Variants in RIMS2 observed in about 807,000 individuals in gnomAD.
RIMS2 encodes regulating synaptic membrane exocytosis 2, also known as regulating synaptic membrane exocytosis protein 2.
RIMS2 carries 59 observed loss-of-function variants against 174.4 expected under a neutral mutation model. The observed-to-expected ratio is 0.34, with a 90% confidence interval of 0.27 to 0.42. The LOEUF is 0.42. Ranked by LOEUF, RIMS2 falls within the 10% of genes least tolerant of loss-of-function variation. RIMS2 has a pLI of 1.00. For missense variants in RIMS2, 1,620 were observed against 1,666.3 expected, an observed-to-expected ratio of 0.97 and a Z score of 0.48; for synonymous variants, 606 against 572.5, an observed-to-expected ratio of 1.06 and a Z score of -0.84.
intron 19 of RIMS2, among the ~76,000 whole-genome samples, chr8:104,140,307 T>C (rs73299455): frequency 0.034 from 5,160 of 152,210 alleles, 247 homozygotes; most frequent in African/African-American, 0.11. Flanking sequence ...ATAAAGCTTT[T>C]CTCATCTCTG....
chr8:104,011,561 CATT>C (rs1266234527), intron 17 of RIMS2, among the ~76,000 whole-genome samples: 1 of 151,952 alleles, frequency 6.6e-6, no homozygotes, highest in Non-Finnish European at 1.5e-5. Flanking sequence ...GGTTTTCACT[CATT>C]ATCATATTTT....
chr8:103,559,402 G>A, intron 1 of RIMS2: 1 of 353,854 alleles, frequency 2.8e-6, no homozygotes, highest in Non-Finnish European at 5.4e-6. Flanking sequence ...GGTGGAGCAT[G>A]CCAGTGATCC....
At chr8:103,506,201 AC>A (rs1284526313) in intron 1 of RIMS2, among the ~76,000 whole-genome samples, 5 of 152,134 alleles carry the variant, frequency 3.3e-5, no homozygotes, top group Non-Finnish European at 7.4e-5. Context: ...TTATAAGAAA[AC>A]AAGCAAACAA....
chr8:103,779,182 T>C (rs2098355640), intron 3 of RIMS2, among the ~76,000 whole-genome samples: 2 of 152,216 alleles, frequency 1.3e-5, no homozygotes, highest in Admixed American at 1.3e-4. Context: ...AAATATTTTC[T>C]GCCATTATAT....
chr8:103,594,751 A>G (rs1290546031), intron 1 of RIMS2, among the ~76,000 whole-genome samples: 1 of 151,410 alleles, frequency 6.6e-6, no homozygotes, highest in Non-Finnish European at 1.5e-5. Context: ...CAAGACAAAG[A>G]AAGAAAATAT....
intron 19 of RIMS2, among the ~76,000 whole-genome samples, chr8:104,139,412 AT>A (rs2133447725): frequency 6.6e-6 from 1 of 152,176 alleles, no homozygotes; most frequent in South Asian, 2.1e-4. Context: ...ATATCTTTCC[AT>A]TTTTTGTGTC....
intron 3 of RIMS2, among the ~76,000 whole-genome samples, chr8:103,783,275 T>C (rs1310283871): frequency 2.0e-5 from 3 of 151,802 alleles, no homozygotes; most frequent in Admixed American, 6.6e-5. Context: ...TTCTTTTTTT[T>C]TTTTTTTATT....
At chr8:103,530,495 T>C (rs1836509246) in intron 1 of RIMS2, among the ~76,000 whole-genome samples, 1 of 152,142 alleles carries the variant, frequency 6.6e-6, no homozygotes, top group Non-Finnish European at 1.5e-5. Context: ...ATGCTATTTA[T>C]GAGATGTGTC....
intron 3 of RIMS2, among the ~76,000 whole-genome samples, chr8:103,779,852 C>T (rs147707969): frequency 0.16 from 23,539 of 149,626 alleles, 1,962 homozygotes; most frequent in Middle Eastern, 0.25. Context: ...TATATACATA[C>T]GTAACAAACC....
intron 1 of RIMS2, among the ~76,000 whole-genome samples, chr8:103,565,534 G>A (rs533833807): frequency 2.0e-4 from 30 of 152,168 alleles, no homozygotes; most frequent in African/African-American, 6.3e-4. Context: ...TCGAATATCC[G>A]AGTTCAAGCA....
chr8:103,865,960 T>G (rs1273218890), intron 3 of RIMS2, among the ~76,000 whole-genome samples: 1 of 152,210 alleles, frequency 6.6e-6, no homozygotes, highest in Admixed American at 6.5e-5. Context: ...TTTCAATTAT[T>G]TCACTTGCCC....
At chr8:103,840,135 A>T (rs2098930787) in intron 3 of RIMS2, among the ~76,000 whole-genome samples, 2 of 152,204 alleles carry the variant, frequency 1.3e-5, no homozygotes, top group Admixed American at 6.5e-5. Flanking sequence ...TTGTTTATAG[A>T]AAGAAGGCAA....
At chr8:104,034,328 C>T (rs908676996) in intron 19 of RIMS2, among the ~76,000 whole-genome samples, 5 of 151,862 alleles carry the variant, frequency 3.3e-5, no homozygotes, top group African/African-American at 9.7e-5. Context: ...GACTAGAAAA[C>T]GAGTTAACAA....
chr8:104,183,211 A>G (rs1335383401), intron 19 of RIMS2, among the ~76,000 whole-genome samples: 2 of 151,700 alleles, frequency 1.3e-5, no homozygotes, highest in African/African-American at 4.8e-5. Flanking sequence ...AATTGATATA[A>G]TTTTTCTAAT....
At chr8:104,047,266 T>C (rs1323190057) in intron 19 of RIMS2, among the ~76,000 whole-genome samples, 3 of 152,144 alleles carry the variant, frequency 2.0e-5, no homozygotes, top group Non-Finnish European at 4.4e-5. Context: ...TACTGCTAAA[T>C]TATTAATATA....
At chr8:103,706,647 C>A (rs115730661) in intron 2 of RIMS2, among the ~76,000 whole-genome samples, 120 of 152,194 alleles carry the variant, frequency 7.9e-4, no homozygotes, top group South Asian at 1.2e-3. Context: ...TCTGCTGCTA[C>A]GTCTGCAGCC....
intron 1 of RIMS2, among the ~76,000 whole-genome samples, chr8:103,524,476 T>C (rs1833073724): frequency 6.6e-6 from 1 of 152,066 alleles, no homozygotes; most frequent in Non-Finnish European, 1.5e-5. Flanking sequence ...CCAAAAGTCC[T>C]GGTAGGGCTG....
At chr8:103,529,143 C>G (rs1835651821) in intron 1 of RIMS2, among the ~76,000 whole-genome samples, 1 of 152,170 alleles carries the variant, frequency 6.6e-6, no homozygotes, top group Non-Finnish European at 1.5e-5. Flanking sequence ...ATTTTATTCT[C>G]TTTGAAGCAG....
intron 2 of RIMS2, among the ~76,000 whole-genome samples, chr8:103,739,291 A>T (rs1352039567): frequency 6.6e-6 from 1 of 152,166 alleles, no homozygotes; most frequent in Non-Finnish European, 1.5e-5. Flanking sequence ...AAAAACCCAA[A>T]CACCGCATGT....
Sources: allele counts gnomAD v4.1 joint callset (sites outside exome capture counted in the v4.1 genomes callset), GRCh38; gene constraint gnomAD v4.1.1; transcripts MANE v1.5; gene names NCBI Gene and HGNC (gene_info 2026-07-23, HGNC 2026-07-21).